MAST4: variants seen among roughly 807,000 people sequenced by gnomAD.
The protein encoded by MAST4 is microtubule-associated serine/threonine-protein kinase 4.
A neutral mutation model predicts 162.7 loss-of-function variants in MAST4; 89 were observed. That is an observed-to-expected ratio of 0.55 (90% CI 0.46 to 0.65). The LOEUF (loss-of-function observed/expected upper bound fraction) is 0.65, where lower values mean the gene tolerates loss of function less well. MAST4 is among the 30% of genes least tolerant of loss of function. The pLI is 0.00. For synonymous variants in MAST4, 1,479 were observed against 1,361.1 expected, an observed-to-expected ratio of 1.09 and a Z score of -1.91; for missense variants, 3,153 against 3,374.0, an observed-to-expected ratio of 0.93 and a Z score of 1.62.
At chr5:66,798,994 T>A (rs1256215128) in intron 3 of MAST4, among the ~76,000 whole-genome samples, 1 of 152,214 alleles carries the variant, frequency 6.6e-6, no homozygotes, top group Non-Finnish European at 1.5e-5. Flanking sequence ...GATTTTAAAG[T>A]CATCAGTTAA....
intron 3 of MAST4, among the ~76,000 whole-genome samples, chr5:66,839,898 T>A (rs768379177): frequency 2.7e-5 from 4 of 149,566 alleles, no homozygotes; most frequent in Non-Finnish European, 5.9e-5. Flanking sequence ...TTTCTTGCAC[T>A]CTGTTTCCAG....
chr5:66,873,962 T>C (rs1237125083), intron 3 of MAST4, among the ~76,000 whole-genome samples: 1 of 150,402 alleles, frequency 6.6e-6, no homozygotes, highest in Non-Finnish European at 1.5e-5. Flanking sequence ...AATAAGGGGC[T>C]CATTTTCAGC....
intron 4 of MAST4, among the ~76,000 whole-genome samples, chr5:66,980,742 C>T (rs557217902): frequency 4.7e-4 from 71 of 152,284 alleles, no homozygotes; most frequent in African/African-American, 1.1e-3. Context: ...GTTTACGTAG[C>T]GTGTCTCTCT....
chr5:67,102,194 TTTG>T (rs1231887150), intron 8 of MAST4, among the ~76,000 whole-genome samples: 1 of 152,066 alleles, frequency 6.6e-6, no homozygotes. Context: ...TATTTTGCAG[TTTG>T]TTAATTGTTT....
chr5:67,125,954 G>A (rs184663384), intron 14 of MAST4, among the ~76,000 whole-genome samples: 43 of 152,216 alleles, frequency 2.8e-4, no homozygotes, highest in African/African-American at 9.6e-4. Context: ...TCTAACTGGC[G>A]AGAGATGGTA....
rs555869191 is a variant in MAST4 at position 67,123,149 on chromosome 5, C to A, written c.1745+2047C>A. 1.1e-4 allele frequency among the ~76,000 whole-genome samples: 16 copies of A among 152,244 alleles called. No homozygotes were observed. In the South Asian group the frequency reaches 3.3e-3, roughly 32 times the overall value. Reference sequence around the variant, plus strand: ...GTGGCTGAACTGGCCCTTCTAGAAGCTTTCTTAGGTATCCATGTACAGGGT... The same window carrying A: ...GTGGCTGAACTGGCCCTTCTAGAAGATTTCTTAGGTATCCATGTACAGGGT... On this transcript the variant is annotated intron_variant, in intron 14 of 28. Transcript: ENST00000403625.
Position 66,980,365 on chromosome 5 carries a change from A to G in MAST4, c.675-74039A>G, listed in dbSNP as rs188457509. Among the ~76,000 whole-genome samples, 594 of 152,332 alleles carry G rather than the reference A, an allele frequency of 3.9e-3. 20 individuals are homozygous for G. The highest frequency in any genetic ancestry group is 0.033 in the Admixed American group (512 of 15,302). On this transcript the variant is annotated intron_variant, in intron 4 of 28. Transcript: ENST00000403625. ...ACATATATGAAATTAGTTAAAAAGG[A>G]TAAGCAAGACCTCAAACTCTAAGAT...
chr5:66,871,148 C>T (rs575211542), intron 3 of MAST4, among the ~76,000 whole-genome samples: 1 of 151,992 alleles, frequency 6.6e-6, no homozygotes. Context: ...GTGACATCCC[C>T]GAACTCAGAG....
At position 66,837,896 on chromosome 5, in the gene MAST4, T is replaced by TA. The variant is rs1580596132; in HGVS notation, c.642+49102_642+49103insA. Among the ~76,000 whole-genome samples the TA allele has an allele frequency of 1.7e-3, 28 of 16,396 alleles. No individual in the cohort carries two copies. In the East Asian group the frequency reaches 0.032, roughly 19 times the overall value. The allele number at this position is 16,396 out of a possible 152,430, so 10.8% of individuals were successfully genotyped here. On this transcript the variant is annotated intron_variant, in intron 3 of 28. Coordinates refer to ENST00000403625, the MANE Select transcript of MAST4 (RefSeq NM_001164664.2). The stretch of plus-strand genomic sequence containing the variant: ...TATATATATATATATATATATATAT[T>TA]TTTTTTTTTTTTTTTTTTTTTAATG...
At chr5:66,704,800 C>G (rs1048114124) in intron 1 of MAST4, among the ~76,000 whole-genome samples, 1 of 152,168 alleles carries the variant, frequency 6.6e-6, no homozygotes, top group African/African-American at 2.4e-5. Flanking sequence ...CTCTTAAAAG[C>G]TTGCTGCTAA....
chr5:66,652,702 A>C (rs761596362), intron 1 of MAST4, among the ~76,000 whole-genome samples: 1 of 152,174 alleles, frequency 6.6e-6, no homozygotes, highest in Non-Finnish European at 1.5e-5. Context: ...GGTCTTAGGA[A>C]TTCATTTGCC....
intron 3 of MAST4, among the ~76,000 whole-genome samples, chr5:66,889,376 T>G (rs181641755): frequency 8.9e-4 from 136 of 152,330 alleles, no homozygotes; most frequent in Non-Finnish European, 1.7e-3. Flanking sequence ...TCACAAAAGT[T>G]GTCCACAATG....
chr5:66,673,154 G>A (rs1747714780), intron 1 of MAST4, among the ~76,000 whole-genome samples: 1 of 151,978 alleles, frequency 6.6e-6, no homozygotes, highest in African/African-American at 2.4e-5. Context: ...TTTTTTGGTT[G>A]ATCTGTAGGG....
chr5:67,067,418 T>A (rs1228324334), intron 5 of MAST4, among the ~76,000 whole-genome samples: 1 of 152,210 alleles, frequency 6.6e-6, no homozygotes, highest in Non-Finnish European at 1.5e-5. Flanking sequence ...TATTATAAAG[T>A]ACAACAACAG....
At chr5:66,935,819 C>T (rs1364248849) in intron 4 of MAST4, among the ~76,000 whole-genome samples, 2 of 152,032 alleles carry the variant, frequency 1.3e-5, no homozygotes, top group East Asian at 1.9e-4. Context: ...AGATGTGTGC[C>T]ACCACACCCA....
At chr5:67,054,543 T>C in intron 5 of MAST4, 51 bp downstream of exon 5, 11 of 1,480,624 alleles carry the variant, frequency 7.4e-6, no homozygotes, top group Non-Finnish European at 1.0e-5. Flanking sequence ...ATTTGTTGGT[T>C]TTTTAAAATA....
Position 67,054,465 on chromosome 5 carries a change from C to T in MAST4, c.736C>T (p.Pro246Ser), listed in dbSNP as rs1241006192. 6.2e-7 allele frequency: 1 copy of T among 1,611,106 alleles called. No individual in the cohort carries two copies. The highest frequency in any genetic ancestry group is 1.1e-5 in the South Asian group (1 of 90,290). Residue 246 changes from proline to serine, a missense_variant, in exon 5 of 29, where the codon CCA becomes TCA. Physicochemically the swap from Pro to Ser is moderately conservative, Grantham distance 74. Coordinates refer to ENST00000403625, the MANE Select transcript of MAST4 (RefSeq NM_001164664.2). ...TGGGCAGTCACCAGCATTGCCTCGA[C>T]CACACTCACCTCTCTCTGCTCATGC... ...GNGQSPALPRPHSPLSAHAGN... is the reference protein window; with the variant it reads ...GNGQSPALPRSHSPLSAHAGN...
chr5:66,744,026 C>T (rs1752614558), intron 1 of MAST4, among the ~76,000 whole-genome samples: 1 of 152,066 alleles, frequency 6.6e-6, no homozygotes, highest in East Asian at 1.9e-4. Flanking sequence ...TTTCCTCTTC[C>T]TCTCTCTCTT....
intron 4 of MAST4, among the ~76,000 whole-genome samples, chr5:67,049,084 A>C (rs887886433): frequency 1.0e-5 from 1 of 98,946 alleles, no homozygotes; most frequent in Non-Finnish European, 2.1e-5. Flanking sequence ...TATATACACT[A>C]CCATACCAAG....
Sources: allele counts gnomAD v4.1 joint callset (sites outside exome capture counted in the v4.1 genomes callset), GRCh38; gene constraint gnomAD v4.1.1; transcripts MANE v1.5; gene names NCBI Gene and HGNC (gene_info 2026-07-23, HGNC 2026-07-21).